Variants in RAD54L observed in about 807,000 individuals in gnomAD.
RAD54L encodes the protein DNA repair and recombination protein RAD54-like.
In RAD54L, 74 loss-of-function variants were observed where a neutral mutation model predicts 91.6. That is an observed-to-expected ratio of 0.81 (90% CI 0.67 to 0.98). The LOEUF is 0.98. Ranked by LOEUF, RAD54L falls within the 50% of genes least tolerant of loss-of-function variation. The pLI is 0.00. For missense variants in RAD54L, 887 were observed against 945.7 expected (o/e 0.94, Z 0.81); for synonymous variants, 304 against 349.7 (o/e 0.87, Z 1.46).
chr1:46,274,258 A>C, intron 15 of RAD54L, 42 bp downstream of exon 15: 2 of 1,558,648 alleles, frequency 1.3e-6, no homozygotes, highest in Non-Finnish European at 1.8e-6. Context: ...ATGCAGTATC[A>C]TCAGAATTAA....
Position 46,248,204 on chromosome 1 carries a change from GA to G in RAD54L, c.-201del. The G allele has an allele frequency of 1.4e-6, 1 of 697,344 alleles. No homozygotes were observed. The highest frequency in any genetic ancestry group is 1.6e-5 in the South Asian group (1 of 63,456). 43.2% of individuals were successfully genotyped at this position (697,344 alleles called of 1,614,324 possible). ...TAATCTCTCGTCTCGGCTTATTGGG[GA>G]CGGCCACTCTCACAGTTTGGTTCCA... is the stretch of plus-strand genomic sequence containing the variant. On this transcript the variant is annotated 5_prime_UTR_variant, in exon 1 of 18. Coordinates refer to ENST00000371975, the MANE Select transcript of RAD54L (RefSeq NM_003579.4).
rs1214597287 is a variant in RAD54L at position 46,267,456 on chromosome 1, C to G, written c.892-3C>G. The G allele has an allele frequency of 1.2e-6, 2 of 1,613,824 alleles. No individual in the cohort carries two copies. Among genetic ancestry groups the G allele is most frequent in the East Asian group, 2.2e-5 (1 of 44,890 alleles). On this transcript the variant is annotated splice_polypyrimidine_tract_variant and splice_region_variant and intron_variant, in intron 8 of 17. Coordinates refer to ENST00000371975, the MANE Select transcript of RAD54L (RefSeq NM_003579.4). The stretch of plus-strand genomic sequence containing the variant: ...TGCGCTCTGAATAAGGATTCTCTTG[C>G]AGGGACACAGGCTCAAGAACTCTGA...
At chr1:46,262,538 T>C (rs1176624480) in intron 8 of RAD54L, among the ~76,000 whole-genome samples, 3 of 152,050 alleles carry the variant, frequency 2.0e-5, no homozygotes, top group Non-Finnish European at 4.4e-5. Flanking sequence ...CCATCAGTTA[T>C]GCATTCAGCT....
chr1:46,252,679 G>C (rs527466176), intron 3 of RAD54L, among the ~76,000 whole-genome samples: 2 of 152,254 alleles, frequency 1.3e-5, no homozygotes, highest in African/African-American at 2.4e-5. Flanking sequence ...GGCAGGCACT[G>C]TAATCAGGAG....
intron 9 of RAD54L, 145 bp from the exon 10 acceptor site, chr1:46,270,514 C>T (rs1660391648): frequency 1.9e-6 from 2 of 1,056,250 alleles, no homozygotes; most frequent in African/African-American, 1.6e-5. Context: ...CCTCTCTGAT[C>T]TGTTAAACAG....
In RAD54L at chr1:46,264,011, A is replaced by G. The variant is rs113687538; in HGVS notation, c.891+2626A>G. ...GGGGTTTCACCATGTTGGCCAGGCT[A>G]GTCTCGAACTCCTGGCCCCAAATAA... On this transcript the variant is annotated intron_variant, in intron 8 of 17. Coordinates refer to ENST00000371975, the MANE Select transcript of RAD54L (RefSeq NM_003579.4). Among the ~76,000 whole-genome samples the G allele has an allele frequency of 8.2e-3, 1,248 of 152,154 alleles. 19 individuals carry two copies. The highest frequency in any genetic ancestry group is 0.037 in the Middle Eastern group (11 of 294).
At position 46,260,914 on chromosome 1, in the gene RAD54L, T is replaced by C. The variant is rs1190346797; in HGVS notation, c.665T>C (p.Leu222Pro). 26 of 1,614,068 alleles carry C rather than the reference T, an allele frequency of 1.6e-5. No homozygotes were observed. The highest frequency in any genetic ancestry group is 2.1e-5 in the Non-Finnish European group (25 of 1,180,040). Residue 222 changes from leucine (L) to proline (P), a missense_variant, in exon 7 of 18, where the codon CTG becomes CCG. Physicochemically the swap from Leu to Pro is moderately conservative, Grantham distance 98. Coordinates refer to ENST00000371975, the MANE Select transcript of RAD54L (RefSeq NM_003579.4). ...DKAVVVSPSS[L>P]VKNWYNEVGK... is the part of the protein sequence containing the mutation. ...GCAGTGGTGGTGTCGCCTTCCAGCC[T>C]GGTGAAGAACTGGTACAATGAGGTT...
chr1:46,260,145 G>A (rs2148287261), intron 5 of RAD54L, 46 bp downstream of exon 5: 3 of 1,612,646 alleles, frequency 1.9e-6, no homozygotes, highest in Non-Finnish European at 2.5e-6. Flanking sequence ...CTCTGTATAT[G>A]CACGCATACT....
chr1:46,273,528 G>A lies in RAD54L; in HGVS notation c.1486+63G>A, dbSNP rs1553169656. On this transcript the variant is annotated intron_variant, in intron 13 of 17. Transcript: ENST00000371975. ...AGGAGGGTGGGAGATTTTTTTTTGT[G>A]CTAGGGCTGTCCTGTTTCAAGGCAG... 9.9e-6 allele frequency: 16 copies of A among 1,610,522 alleles called. 1 individual carries two copies. In the South Asian group the frequency reaches 1.6e-4, roughly 17 times the overall value.
chr1:46,259,530 T>C (rs1660037424), intron 4 of RAD54L, among the ~76,000 whole-genome samples: 1 of 152,088 alleles, frequency 6.6e-6, no homozygotes, highest in Non-Finnish European at 1.5e-5. Flanking sequence ...ACCAGCACTT[T>C]GGGAGGCCAA....
intron 16 of RAD54L, among the ~76,000 whole-genome samples, chr1:46,275,011 C>A (rs1260814876): frequency 1.3e-5 from 2 of 152,348 alleles, no homozygotes; most frequent in East Asian, 3.9e-4. Context: ...CTTCTCTCAT[C>A]CCCTGTCCTA....
At chr1:46,258,811 A>C in intron 4 of RAD54L, 65 bp downstream of exon 4, 1 of 1,301,464 alleles carries the variant, frequency 7.7e-7, no homozygotes, top group Non-Finnish European at 1.1e-6. Context: ...TAAATTAAAA[A>C]CCTGCTTTTG....
chr1:46,270,127 T>C (rs1660379768), intron 9 of RAD54L, among the ~76,000 whole-genome samples: 1 of 151,714 alleles, frequency 6.6e-6, no homozygotes, highest in Non-Finnish European at 1.5e-5. Flanking sequence ...CCCAGCACTT[T>C]GGGAGGCTGA....
In RAD54L at chr1:46,247,965, CCCT is replaced by C. The variant is rs1659690361; in HGVS notation, c.-438_-436del. The C allele has an allele frequency of 3.4e-6, 1 of 292,350 alleles. No individual in the cohort carries two copies. Among genetic ancestry groups the C allele is most frequent in the African/African-American group, 2.2e-5 (1 of 46,140 alleles). 18.1% of individuals were successfully genotyped at this position (292,350 alleles called of 1,614,324 possible). Reference sequence around the variant, plus strand: ...GGGAAATTTCCTTTCTCCAGACTCGCCCTCCCCACCCGGGCCTCGGACTTTCAC... The same window carrying C: ...GGGAAATTTCCTTTCTCCAGACTCGCCCCCACCCGGGCCTCGGACTTTCAC... On this transcript the variant is annotated 5_prime_UTR_variant, in exon 1 of 18. Transcript: ENST00000371975.
chr1:46,254,813 C>G (rs1659897226), intron 3 of RAD54L, among the ~76,000 whole-genome samples: 2 of 151,940 alleles, frequency 1.3e-5, no homozygotes, highest in African/African-American at 2.4e-5. Flanking sequence ...TTTCAAACTC[C>G]TGGGTTCTAG....
chr1:46,253,444 C>T (rs1659855408), intron 3 of RAD54L, among the ~76,000 whole-genome samples: 1 of 152,114 alleles, frequency 6.6e-6, no homozygotes, highest in African/African-American at 2.4e-5. Context: ...CATGGTGAAA[C>T]TCCATCTCTA....
At chr1:46,264,469 G>T (rs756549030) in intron 8 of RAD54L, among the ~76,000 whole-genome samples, 1 of 152,196 alleles carries the variant, frequency 6.6e-6, no homozygotes. Flanking sequence ...CAAAAGACAC[G>T]GGATCAGCTC....
chr1:46,265,773 G>A lies in RAD54L; in HGVS notation c.892-1686G>A, dbSNP rs1287489886. Reference sequence around the variant, plus strand: ...TTAGTACTCTAGTATATATATTATGGATGAGGGCAGAGTGGTACAGTGTCC... The same window carrying A: ...TTAGTACTCTAGTATATATATTATGAATGAGGGCAGAGTGGTACAGTGTCC... On this transcript the variant is annotated intron_variant, in intron 8 of 17. Transcript: ENST00000371975. This position sits in a 1 kb window ranked among gnomAD's most constrained non-coding sequence, Gnocchi z 4.8. 6.6e-6 allele frequency among the ~76,000 whole-genome samples: 1 copy of A among 152,152 alleles called. No homozygotes were observed. Among genetic ancestry groups the A allele is most frequent in the African/African-American group, 2.4e-5 (1 of 41,420 alleles).
chr1:46,262,252 C>T (rs1329863182), intron 8 of RAD54L, among the ~76,000 whole-genome samples: 1 of 150,566 alleles, frequency 6.6e-6, no homozygotes, highest in Admixed American at 6.6e-5. Flanking sequence ...ACTAAAACTA[C>T]AAAAATTAGC....
Sources: allele counts gnomAD v4.1 joint callset (sites outside exome capture counted in the v4.1 genomes callset), GRCh38; gene constraint gnomAD v4.1.1; non-coding constraint Gnocchi (gnomAD v3.1); transcripts MANE v1.5; gene names NCBI Gene and HGNC (gene_info 2026-07-23, HGNC 2026-07-21).